Variants in WDR19 observed in about 807,000 individuals in gnomAD.
WDR19 encodes WD repeat domain 19.
A neutral mutation model predicts 180.0 loss-of-function variants in WDR19; 121 were observed. The ratio of observed to expected loss-of-function variants is 0.67; its 90% CI spans 0.58 to 0.78. The LOEUF (loss-of-function observed/expected upper bound fraction) is 0.78, where lower values mean the gene tolerates loss of function less well. Among genes scored for constraint, WDR19 ranks in the 30% least tolerant of loss-of-function variants. WDR19 has a pLI of 0.00. For missense variants in WDR19, 1,450 were observed against 1,640.7 expected (o/e 0.88, Z 2.01); for synonymous variants, 497 against 540.7 (o/e 0.92, Z 1.12).
rs1194776480 is a variant in WDR19, at chr4:39,216,226, G to A, written c.1249+16G>A. ...GGAGAAAATGGCAAGTCTAAATCCA[G>A]TTGTTTATTCTTATCTAGCACATAA... On this transcript the variant is annotated intron_variant, in intron 12 of 36. Transcript: ENST00000399820. The A allele has an allele frequency of 6.5e-7, 1 of 1,533,884 alleles. No homozygotes were observed. Among genetic ancestry groups the A allele is most frequent in the Admixed American group, 2.2e-5 (1 of 46,464 alleles).
In WDR19 at chr4:39,228,294, G is replaced by A; in HGVS notation, c.1714G>A (p.Val572Ile). 1.2e-6 allele frequency: 2 copies of A among 1,613,442 alleles called. No homozygotes were observed. Among genetic ancestry groups the A allele is most frequent in the Non-Finnish European group, 1.7e-6 (2 of 1,179,608 alleles). Residue 572 changes from valine to isoleucine, a missense_variant, in exon 16 of 37, where the codon GTA (valine) becomes ATA (isoleucine). Transcript: ENST00000399820. ...GGAAAACTGGCCAATGGATAAAGGT[G>A]TATTTATTGCTTATGATGATGATAA... ...LWENWPMDKGVFIAYDDDKVY... is the reference protein window; with the variant it reads ...LWENWPMDKGIFIAYDDDKVY...
chr4:39,276,048 C>T (rs1735857775), intron 33 of WDR19, among the ~76,000 whole-genome samples: 2 of 152,158 alleles, frequency 1.3e-5, no homozygotes, highest in Admixed American at 6.5e-5. Flanking sequence ...TCTAAACAAC[C>T]ACTTTTTCAG....
chr4:39,234,556 C>G (rs1731185565), intron 19 of WDR19, among the ~76,000 whole-genome samples: 1 of 151,638 alleles, frequency 6.6e-6, no homozygotes, highest in South Asian at 2.1e-4. Context: ...ATTTTTTTGC[C>G]CCTCCAAGAA....
At chr4:39,202,724 T>C (rs751535495) in intron 6 of WDR19, among the ~76,000 whole-genome samples, 20 of 152,146 alleles carry the variant, frequency 1.3e-4, no homozygotes, top group Non-Finnish European at 2.8e-4. Context: ...AAAAAATTCT[T>C]TTCTCATATT....
intron 33 of WDR19, 23 bp downstream of exon 33, chr4:39,274,981 G>A (rs367599831): frequency 2.6e-5 from 41 of 1,604,532 alleles, no homozygotes; most frequent in Non-Finnish European, 3.3e-5. Context: ...GGCTATTTCT[G>A]CTATCTAATC....
chr4:39,205,171 C>T lies in WDR19; in HGVS notation c.621C>T (p.Gly207=), dbSNP rs1330119254. The T allele has an allele frequency of 6.3e-7, 1 of 1,589,846 alleles. No individual in the cohort carries two copies. Among genetic ancestry groups the T allele is most frequent in the Non-Finnish European group, 8.6e-7 (1 of 1,167,250 alleles). The change falls in exon 8 of 37, where the codon GGC becomes GGT. Residue 207 remains glycine, a synonymous_variant. Transcript: ENST00000399820. ...TCTGGCAGATAAGTGTGGTGCTTGGCAAGAAAACTTTGTTTTTTTTAAATC... is the reference window on the plus strand; with the variant it reads ...TCTGGCAGATAAGTGTGGTGCTTGGTAAGAAAACTTTGTTTTTTTTAAATC... ...AAESMISVVL[G]KKTLFFLNLN... is the part of the protein sequence containing the mutation.
At chr4:39,246,241 C>G (rs1232276625) in intron 24 of WDR19, among the ~76,000 whole-genome samples, 1 of 152,194 alleles carries the variant, frequency 6.6e-6, no homozygotes, top group African/African-American at 2.4e-5. Flanking sequence ...CGTGGTGGCT[C>G]ACACCTGCAA....
intron 9 of WDR19, among the ~76,000 whole-genome samples, chr4:39,208,498 G>C (rs1283672635): frequency 2.0e-5 from 3 of 151,766 alleles, no homozygotes; most frequent in Non-Finnish European, 2.9e-5. Context: ...GTAGAGACGG[G>C]GTTGTACCAT....
intron 14 of WDR19, among the ~76,000 whole-genome samples, chr4:39,220,476 G>T (rs539318245): frequency 6.8e-6 from 1 of 147,966 alleles, no homozygotes. Context: ...CCACCATGTC[G>T]TGCTAATTTT....
intron 21 of WDR19, among the ~76,000 whole-genome samples, chr4:39,241,953 A>G (rs1311089237): frequency 6.6e-6 from 1 of 151,270 alleles, no homozygotes; most frequent in Non-Finnish European, 1.5e-5. Flanking sequence ...TTTTTTACCA[A>G]AAATGAAATC....
chr4:39,277,380 A>G lies in WDR19; in HGVS notation c.3840+237A>G, dbSNP rs188982481. 3.9e-5 allele frequency among the ~76,000 whole-genome samples: 6 copies of G among 152,354 alleles called. No homozygotes were observed. The East Asian group carries it at 7.7e-4, about 20-fold the overall frequency. ...ATAGCACAGACTCGGGGATCAGACT[A>G]TCCCGGGCTCAGTCCTCTGTAGTAA... is the stretch of plus-strand genomic sequence containing the variant. On this transcript the variant is annotated intron_variant, in intron 34 of 36. Coordinates refer to ENST00000399820, the MANE Select transcript of WDR19 (RefSeq NM_025132.4).
intron 30 of WDR19, 100 bp from the exon 31 acceptor site, chr4:39,269,876 A>T: frequency 1.4e-6 from 2 of 1,442,832 alleles, no homozygotes; most frequent in Non-Finnish European, 1.9e-6. Context: ...AGAGATTACT[A>T]ATAACAAGAT....
chr4:39,245,262 A>G, intron 23 of WDR19, 107 bp from the exon 24 acceptor site: 2 of 898,986 alleles, frequency 2.2e-6, no homozygotes, highest in Non-Finnish European at 3.3e-6. Context: ...TTTTTGAAAG[A>G]TAGTAATAAC....
intron 31 of WDR19, among the ~76,000 whole-genome samples, chr4:39,270,769 T>G (rs1735283432): frequency 1.3e-5 from 2 of 152,228 alleles, no homozygotes; most frequent in Non-Finnish European, 2.9e-5. Context: ...ATGCAAAACT[T>G]GTTAGTTTAT....
At chr4:39,215,177 T>G (rs1728938307) in intron 10 of WDR19, among the ~76,000 whole-genome samples, 1 of 152,202 alleles carries the variant, frequency 6.6e-6, no homozygotes, top group African/African-American at 2.4e-5. Context: ...TCTACTTTGA[T>G]CCAGAGATTT....
At chr4:39,267,131 T>C (rs1396016844) in intron 29 of WDR19, among the ~76,000 whole-genome samples, 1 of 152,224 alleles carries the variant, frequency 6.6e-6, no homozygotes, top group East Asian at 1.9e-4. Context: ...TTTCAAAATA[T>C]GCGACTCACT....
intron 1 of WDR19, 31 bp downstream of exon 1, chr4:39,182,594 C>A (rs1225726577): frequency 6.2e-7 from 1 of 1,613,148 alleles, no homozygotes; most frequent in African/African-American, 1.3e-5. Flanking sequence ...CGGGGTGGGG[C>A]GGGAAAACGC....
intron 28 of WDR19, among the ~76,000 whole-genome samples, chr4:39,259,166 A>G (rs1158237208): frequency 2.6e-5 from 4 of 152,230 alleles, no homozygotes; most frequent in Non-Finnish European, 5.9e-5. Flanking sequence ...TATCTGTCTC[A>G]TTTAGGCTTA....
At chr4:39,189,926 C>T (rs1175009138) in intron 4 of WDR19, 145 bp downstream of exon 4, 2 of 1,028,616 alleles carry the variant, frequency 1.9e-6, no homozygotes, top group Admixed American at 3.4e-5. Context: ...ATTATTGTTA[C>T]CCAATTAGAA....
Sources: allele counts gnomAD v4.1 joint callset (sites outside exome capture counted in the v4.1 genomes callset), GRCh38; gene constraint gnomAD v4.1.1; transcripts MANE v1.5; gene names NCBI Gene and HGNC (gene_info 2026-07-23, HGNC 2026-07-21).